Variants in ABCC9 observed in about 807,000 individuals in gnomAD.
ABCC9 encodes the protein ATP binding cassette subfamily C member 9, also known as ATP-binding cassette sub-family C member 9.
Under a neutral mutation model 188.3 loss-of-function variants are expected in ABCC9, and 95 were observed. The ratio of observed to expected loss-of-function variants is 0.50; its 90% CI spans 0.43 to 0.60. The LOEUF (loss-of-function observed/expected upper bound fraction) is 0.60, where lower values mean the gene tolerates loss of function less well. Ranked by LOEUF, ABCC9 falls within the 20% of genes least tolerant of loss-of-function variation. ABCC9 has a pLI of 0.00. For missense variants in ABCC9, 1,102 were observed against 1,876.3 expected (o/e 0.59, Z 7.62); for synonymous variants, 659 against 652.7 (o/e 1.01, Z -0.15).
chr12:21,878,987 T>G lies in ABCC9; in HGVS notation c.2020-3261A>C, dbSNP rs182417914. Reference sequence around the variant, plus strand: ...TATATAAATCAGTCTTTGCAAAGGATCATGTAAGGATAGGTACAATGATGA... The same window carrying G: ...TATATAAATCAGTCTTTGCAAAGGAGCATGTAAGGATAGGTACAATGATGA... On this transcript the variant is annotated intron_variant, in intron 16 of 39. Transcript: ENST00000261200. Among the ~76,000 whole-genome samples, 10 of 152,240 alleles carry G rather than the reference T, an allele frequency of 6.6e-5. No individual in the cohort carries two copies. In the East Asian group the frequency reaches 1.9e-3, roughly 29 times the overall value.
chr12:21,901,340 C>T (rs181355159), intron 12 of ABCC9, among the ~76,000 whole-genome samples: 38 of 152,280 alleles, frequency 2.5e-4, no homozygotes, highest in Admixed American at 6.5e-4. Context: ...GTACCAGCCA[C>T]GGCAAAAACA....
chr12:21,914,774 T>C (rs897608075), intron 7 of ABCC9, among the ~76,000 whole-genome samples: 2 of 152,150 alleles, frequency 1.3e-5, no homozygotes, highest in African/African-American at 4.8e-5. Flanking sequence ...GAGCAACTAA[T>C]ATAAGTATAC....
intron 39 of ABCC9, 89 bp downstream of exon 39, chr12:21,805,909 A>C: frequency 8.3e-7 from 1 of 1,201,884 alleles, no homozygotes; most frequent in Non-Finnish European, 1.2e-6. Flanking sequence ...ACATAATTCA[A>C]CACAAGTATA....
At chr12:21,933,679 A>C (rs377052532) in intron 4 of ABCC9, 103 bp downstream of exon 4, 1 of 1,423,350 alleles carries the variant, frequency 7.0e-7, no homozygotes. Context: ...AGAGCAAAAA[A>C]TATAAAGCAC....
chr12:21,868,387 C>G (rs974982062), intron 18 of ABCC9, among the ~76,000 whole-genome samples: 1 of 152,166 alleles, frequency 6.6e-6, no homozygotes. Context: ...CGCCTGTAAT[C>G]CCAACACTTT....
chr12:21,876,337 C>T (rs1946347750), intron 16 of ABCC9, among the ~76,000 whole-genome samples: 1 of 152,194 alleles, frequency 6.6e-6, no homozygotes, highest in Admixed American at 6.5e-5. Flanking sequence ...ATTATTTTCT[C>T]ACTGCCAGAC....
rs185659618 is a variant in ABCC9 at position 21,900,539 on chromosome 12, C to T, written c.1619-5224G>A. 2.0e-3 allele frequency among the ~76,000 whole-genome samples: 310 copies of T among 152,234 alleles called. 1 individual carries two copies. The highest frequency in any genetic ancestry group is 0.014 in the Middle Eastern group (4 of 294). ...GCTAAAGGAGGAAGTTCAAACCCAT[C>T]GCAAACAAGCTAAAAACCTTGAAAA... On this transcript the variant is annotated intron_variant, in intron 12 of 39. Coordinates refer to ENST00000261200, the MANE Select transcript of ABCC9 (RefSeq NM_020297.4).
chr12:21,905,957 AATAG>A (rs1948021202), intron 12 of ABCC9, among the ~76,000 whole-genome samples, 165 bp downstream of exon 12: 6 of 152,088 alleles, frequency 3.9e-5, no homozygotes, highest in Admixed American at 1.3e-4. Context: ...TTTAAATGTA[AATAG>A]ATAGCCTCGT....
chr12:21,852,312 C>T (rs889380655), intron 23 of ABCC9, 56 bp downstream of exon 23: 7 of 1,612,494 alleles, frequency 4.3e-6, no homozygotes, highest in Non-Finnish European at 5.1e-6. Flanking sequence ...TTTTTACTGT[C>T]TCTATTTATA....
At position 21,816,537 on chromosome 12, in the gene ABCC9, T is replaced by C. The variant is rs536322859; in HGVS notation, c.3893-644A>G. Among the ~76,000 whole-genome samples, 4 of 152,226 alleles carry C rather than the reference T, an allele frequency of 2.6e-5. No individual in the cohort carries two copies. The South Asian group carries it at 8.3e-4, about 32-fold the overall frequency. On this transcript the variant is annotated intron_variant, in intron 33 of 39. Coordinates refer to ENST00000261200, the MANE Select transcript of ABCC9 (RefSeq NM_020297.4). ...GGGAGATGGGGAAATTTATTTTAAA[T>C]ATATGTACATAGGAGAATAAAGAGG...
intron 29 of ABCC9, among the ~76,000 whole-genome samples, chr12:21,839,593 A>T (rs1023203264): frequency 1.3e-5 from 2 of 152,248 alleles, no homozygotes; most frequent in African/African-American, 4.8e-5. Flanking sequence ...TTTATAGAAG[A>T]TAGGCTAACA....
chr12:21,866,994 T>A (rs149867807), intron 18 of ABCC9, among the ~76,000 whole-genome samples: 1 of 152,164 alleles, frequency 6.6e-6, no homozygotes, highest in Non-Finnish European at 1.5e-5. Context: ...ATTAATGCAG[T>A]AAGGTCCTGA....
intron 17 of ABCC9, among the ~76,000 whole-genome samples, chr12:21,875,033 G>A (rs1415697248): frequency 6.6e-6 from 1 of 151,156 alleles, no homozygotes; most frequent in Non-Finnish European, 1.5e-5. Flanking sequence ...ACTTTAAAAT[G>A]TGTCAAGAGG....
At chr12:21,939,330 A>G (rs1949609588) in intron 2 of ABCC9, among the ~76,000 whole-genome samples, 1 of 152,132 alleles carries the variant, frequency 6.6e-6, no homozygotes. Context: ...TCCAGAGTCC[A>G]TGTGGCACTC....
chr12:21,853,956 CTTCT>C, intron 22 of ABCC9, among the ~76,000 whole-genome samples: 1 of 152,284 alleles, frequency 6.6e-6, no homozygotes, highest in African/African-American at 2.4e-5. Flanking sequence ...CTTCATTACC[CTTCT>C]TTCTTTGTTG....
At chr12:21,939,760 CT>C (rs1303148583) in intron 2 of ABCC9, among the ~76,000 whole-genome samples, 13 of 152,190 alleles carry the variant, frequency 8.5e-5, no homozygotes, top group Non-Finnish European at 1.5e-4. Flanking sequence ...GAGAACTTGA[CT>C]GAATAAACTT....
intron 22 of ABCC9, among the ~76,000 whole-genome samples, chr12:21,855,094 G>A (rs966262711): frequency 3.3e-5 from 5 of 152,076 alleles, no homozygotes; most frequent in African/African-American, 4.8e-5. Flanking sequence ...AATTTGTGAC[G>A]TAGACCAAAC....
rs1346978360 is a variant in ABCC9 at position 21,799,014 on chromosome 12, G to A, written c.*2030C>T. On this transcript the variant is annotated 3_prime_UTR_variant, in exon 40 of 40. Coordinates refer to ENST00000261200, the MANE Select transcript of ABCC9 (RefSeq NM_020297.4). ...TCGCAAGAACAAAAAACCAAACACC[G>A]CATATTCTCACTCATAGGTGGGAAT... 4 of 145,404 alleles carry A rather than the reference G, an allele frequency of 2.8e-5. No individual in the cohort carries two copies. Among genetic ancestry groups the A allele is most frequent in the Admixed American group, 1.4e-4 (2 of 14,186 alleles). 9.0% of individuals were successfully genotyped at this position (145,404 alleles called of 1,614,324 possible).
intron 31 of ABCC9, among the ~76,000 whole-genome samples, chr12:21,819,364 T>C (rs1942886846): frequency 6.6e-6 from 1 of 152,184 alleles, no homozygotes; most frequent in Non-Finnish European, 1.5e-5. Flanking sequence ...ATGACAGTAA[T>C]GGAATGTTGA....
Sources: allele counts gnomAD v4.1 joint callset (sites outside exome capture counted in the v4.1 genomes callset), GRCh38; gene constraint gnomAD v4.1.1; transcripts MANE v1.5; gene names NCBI Gene and HGNC (gene_info 2026-07-23, HGNC 2026-07-21).